Variants in CNTN4 observed in about 807,000 individuals in gnomAD.
The protein encoded by CNTN4 is contactin-4.
CNTN4 carries 77 observed loss-of-function variants against 122.5 expected under a neutral mutation model. That is an observed-to-expected ratio of 0.63 (90% CI 0.52 to 0.76). The LOEUF (loss-of-function observed/expected upper bound fraction) is 0.76, where lower values mean the gene tolerates loss of function less well. Among genes scored for constraint, CNTN4 ranks in the 30% least tolerant of loss-of-function variants. The pLI is 0.00. For synonymous variants in CNTN4, 512 were observed against 447.0 expected (o/e 1.15, Z -1.83); for missense variants, 1,256 against 1,259.1 (o/e 1.00, Z 0.04).
chr3:2,189,815 T>A (rs1174074257), intron 2 of CNTN4, among the ~76,000 whole-genome samples: 1 of 152,146 alleles, frequency 6.6e-6, no homozygotes, highest in South Asian at 2.1e-4. Flanking sequence ...TTTCAGTGAG[T>A]GATTCTCAGG....
intron 7 of CNTN4, among the ~76,000 whole-genome samples, chr3:2,857,754 T>C (rs1179880663): frequency 1.3e-5 from 2 of 152,304 alleles, no homozygotes; most frequent in Admixed American, 6.5e-5. Context: ...ACCCAGCTAA[T>C]TTTTTATTTT....
chr3:2,893,578 G>A (rs553170845), intron 10 of CNTN4, among the ~76,000 whole-genome samples: 9 of 152,084 alleles, frequency 5.9e-5, no homozygotes, highest in Non-Finnish European at 1.3e-4. Context: ...TAAGGGGTAC[G>A]CATTAAGCAA....
chr3:2,840,009 G>C (rs1449979410), intron 7 of CNTN4, among the ~76,000 whole-genome samples: 1 of 152,122 alleles, frequency 6.6e-6, no homozygotes, highest in African/African-American at 2.4e-5. Context: ...TCTTAAATAG[G>C]AGCCAAGATC....
intron 2 of CNTN4, among the ~76,000 whole-genome samples, chr3:2,191,486 C>A (rs775182396): frequency 5.3e-5 from 8 of 152,030 alleles, no homozygotes; most frequent in Non-Finnish European, 7.4e-5. Flanking sequence ...GCTGCTTTGA[C>A]CAGAGACCTC....
chr3:2,467,840 C>A (rs1021604927), intron 3 of CNTN4, among the ~76,000 whole-genome samples: 2 of 152,194 alleles, frequency 1.3e-5, no homozygotes, highest in East Asian at 3.8e-4. Context: ...ACTATTCCTG[C>A]TAATGCGAAT....
chr3:2,697,278 T>C (rs746051172), intron 4 of CNTN4, among the ~76,000 whole-genome samples: 1 of 152,218 alleles, frequency 6.6e-6, no homozygotes, highest in Non-Finnish European at 1.5e-5. Flanking sequence ...GTCTGTGGTA[T>C]GCCTGCCCAG....
chr3:2,685,587 C>T (rs766762094), intron 4 of CNTN4, among the ~76,000 whole-genome samples: 3 of 152,118 alleles, frequency 2.0e-5, no homozygotes, highest in Non-Finnish European at 2.9e-5. Context: ...AGATTAAAAA[C>T]CCAAGTAATC....
intron 3 of CNTN4, among the ~76,000 whole-genome samples, chr3:2,503,277 G>A (rs2076643971): frequency 1.3e-5 from 2 of 152,114 alleles, no homozygotes; most frequent in African/African-American, 4.8e-5. Context: ...GGGATGCATA[G>A]ATGGATAGTT....
intron 3 of CNTN4, among the ~76,000 whole-genome samples, chr3:2,426,499 A>T (rs116211065): frequency 0.015 from 2,351 of 152,106 alleles, 26 homozygotes; most frequent in Non-Finnish European, 0.022. Context: ...TTTTGCATCG[A>T]TGTTTATCAT....
intron 6 of CNTN4, among the ~76,000 whole-genome samples, chr3:2,814,725 G>T (rs959782691): frequency 6.6e-6 from 1 of 152,216 alleles, no homozygotes; most frequent in East Asian, 1.9e-4. Context: ...GTGCTTCAGA[G>T]CAGTAACTTT....
intron 3 of CNTN4, among the ~76,000 whole-genome samples, chr3:2,559,948 AT>A (rs1320439017): frequency 6.6e-6 from 1 of 152,166 alleles, no homozygotes; most frequent in Non-Finnish European, 1.5e-5. Flanking sequence ...GACATATTGC[AT>A]GTGTTCAACG....
intron 4 of CNTN4, among the ~76,000 whole-genome samples, chr3:2,698,563 T>A (rs2086177065): frequency 6.6e-6 from 1 of 152,208 alleles, no homozygotes; most frequent in African/African-American, 2.4e-5. Context: ...TCAGTGCTAG[T>A]GTTCTTTGCC....
intron 2 of CNTN4, among the ~76,000 whole-genome samples, chr3:2,294,288 CTTTT>C (rs71058604): frequency 7.4e-6 from 1 of 135,614 alleles, no homozygotes. Flanking sequence ...AGAGTTGTGA[CTTTT>C]TTTTTTTTTT....
intron 4 of CNTN4, among the ~76,000 whole-genome samples, chr3:2,730,655 C>T (rs1419529723): frequency 6.6e-6 from 1 of 152,144 alleles, no homozygotes; most frequent in Non-Finnish European, 1.5e-5. Context: ...CTGCTTTATG[C>T]GTGTTATCTT....
intron 7 of CNTN4, among the ~76,000 whole-genome samples, chr3:2,835,336 C>G (rs1254771301): frequency 6.6e-6 from 1 of 152,104 alleles, no homozygotes; most frequent in Non-Finnish European, 1.5e-5. Flanking sequence ...GGAGAAATTA[C>G]TAATGCATAT....
chr3:2,120,401 ATATATT>A (rs1468862201), intron 2 of CNTN4, among the ~76,000 whole-genome samples: 11 of 31,360 alleles, frequency 3.5e-4, no homozygotes, highest in Admixed American at 1.6e-3. Flanking sequence ...ATATATATAT[ATATATT>A]TTTTTTTTTT....
chr3:3,016,954 T>C (rs564532602), intron 14 of CNTN4, among the ~76,000 whole-genome samples: 12 of 152,306 alleles, frequency 7.9e-5, no homozygotes, highest in African/African-American at 2.9e-4. Flanking sequence ...TGTTTTCTTC[T>C]GATGTCATTT....
intron 19 of CNTN4, chr3:3,039,366 G>A (rs541697162): frequency 1.5e-5 from 3 of 197,830 alleles, no homozygotes; most frequent in Non-Finnish European, 3.2e-5. Context: ...CAGTGCACCA[G>A]CACAATTTCC....
intron 3 of CNTN4, among the ~76,000 whole-genome samples, chr3:2,479,972 T>C (rs2075943119): frequency 6.6e-6 from 1 of 152,172 alleles, no homozygotes; most frequent in Non-Finnish European, 1.5e-5. Flanking sequence ...AACATTCAAA[T>C]ATCAATTAAT....
Sources: gnomAD v4.1 joint callset for allele counts (sites outside exome capture counted in the v4.1 genomes callset) on GRCh38, gnomAD v4.1.1 for gene constraint, MANE v1.5 for transcripts, NCBI Gene and HGNC (gene_info 2026-07-23, HGNC 2026-07-21) for gene names.